The following FAM20C variants were observed in gnomAD, a reference collection of about 807,000 sequenced individuals.
FAM20C encodes FAM20C golgi associated secretory pathway kinase.
Under a neutral mutation model 51.5 loss-of-function variants are expected in FAM20C, and 40 were observed. That is an observed-to-expected ratio of 0.78 (90% CI 0.60 to 1.01). The LOEUF (loss-of-function observed/expected upper bound fraction) is 1.01. Among genes scored for constraint, FAM20C ranks in the 50% least tolerant of loss-of-function variants. FAM20C has a pLI of 0.00. For missense variants in FAM20C, 861 were observed against 844.7 expected (o/e 1.02, Z -0.24); for synonymous variants, 406 against 380.6 (o/e 1.07, Z -0.78).
At position 256,705 on chromosome 7, in the gene FAM20C, C is replaced by T. The variant is rs141959001; in HGVS notation, c.1305C>T (p.Tyr435=). ...AGGAGGTGAAGCAGACACCGCCCTA[C>T]GACAGCAGCCACCGCATCCTGGACG... ...YCEEVKQTPP[Y]DSSHRILDVM... is the part of the protein sequence containing the mutation. The change falls in exon 7 of 10, where the codon TAC becomes TAT. Residue 435 remains tyrosine, a synonymous_variant. Coordinates refer to ENST00000313766, the MANE Select transcript of FAM20C (RefSeq NM_020223.4). The T allele has an allele frequency of 0.015, 23,270 of 1,536,146 alleles. 233 individuals carry two copies. The highest frequency in any genetic ancestry group is 0.026 in the South Asian group (2,183 of 84,058).
chr7:227,210 G>A (rs750710550), intron 3 of FAM20C, among the ~76,000 whole-genome samples: 2 of 151,908 alleles, frequency 1.3e-5, no homozygotes, highest in Non-Finnish European at 1.5e-5. Context: ...CCGGGGTGCC[G>A]CTAGTGTGTG....
chr7:251,128 C>G (rs1157492301), intron 5 of FAM20C, among the ~76,000 whole-genome samples: 1 of 96,198 alleles, frequency 1.0e-5, no homozygotes, highest in Non-Finnish European at 2.5e-5. Flanking sequence ...CGTTTCCTCC[C>G]CGTTTCTAAG....
At chr7:259,689 T>C in intron 9 of FAM20C, 42 bp from the exon 10 acceptor site, 1 of 1,485,094 alleles carries the variant, frequency 6.7e-7, no homozygotes, top group Non-Finnish European at 9.0e-7. Context: ...GGCAGGCATC[T>C]CCCCTGTCCC....
intron 3 of FAM20C, among the ~76,000 whole-genome samples, chr7:235,709 G>A (rs1238225029): frequency 4.6e-5 from 7 of 152,162 alleles, no homozygotes; most frequent in Admixed American, 4.6e-4. Context: ...CTTGCTGCTG[G>A]GAGGGACGGT....
chr7:244,569 C>T (rs994991399), intron 3 of FAM20C, among the ~76,000 whole-genome samples: 3 of 152,350 alleles, frequency 2.0e-5, no homozygotes, highest in East Asian at 1.9e-4. Flanking sequence ...GCGACCCTGG[C>T]GGGCAGCATG....
chr7:195,712 C>T lies in FAM20C; in HGVS notation c.764C>T (p.Ser255Phe), dbSNP rs1185184378. The T allele has an allele frequency of 1.7e-5, 28 of 1,607,470 alleles. No homozygotes were observed. Among genetic ancestry groups the T allele is most frequent in the Non-Finnish European group, 2.4e-5 (28 of 1,176,680 alleles). Residue 255 changes from serine (S) to phenylalanine (F), a missense_variant, in exon 2 of 10, where the codon TCC (serine) becomes TTC (phenylalanine). Transcript: ENST00000313766. ...GAGGCCCTGCTGCACGACCTCAGCT[C>T]CCAGAGGATCACCAGCGTGGGTAGG... ...AIEALLHDLS[S>F]QRITSVAMKS...
chr7:241,500 C>CCCAT lies in FAM20C; in HGVS notation c.864-4914_864-4913insCATC, dbSNP rs1461089913. Among the ~76,000 whole-genome samples, 809 of 152,260 alleles carry CCCAT rather than the reference C, an allele frequency of 5.3e-3. 5 individuals carry two copies. The highest frequency in any genetic ancestry group is 8.7e-3 in the Non-Finnish European group (591 of 68,030). On this transcript the variant is annotated intron_variant, in intron 3 of 9. Transcript: ENST00000313766. ...CTGTGCCAGGGAAAGATCGATGGAG[C>CCCAT]CGGGTCTTAGTCCCCTTCTCACCAA...
intron 3 of FAM20C, among the ~76,000 whole-genome samples, chr7:220,610 G>A (rs1010099587): frequency 2.0e-5 from 3 of 152,174 alleles, no homozygotes; most frequent in South Asian, 2.1e-4. Context: ...CCTAGGAGGC[G>A]GCGTTGGAGC....
intron 9 of FAM20C, among the ~76,000 whole-genome samples, chr7:259,163 C>T (rs889109216): frequency 9.9e-5 from 15 of 152,166 alleles, no homozygotes; most frequent in Admixed American, 3.9e-4. Context: ...CCGTGTTGTG[C>T]GGATGTGCTG....
At chr7:250,323 C>G (rs894551614) in intron 5 of FAM20C, among the ~76,000 whole-genome samples, 2 of 152,168 alleles carry the variant, frequency 1.3e-5, no homozygotes, top group Admixed American at 1.3e-4. Flanking sequence ...CTTTCTTCCT[C>G]TCAAAGCCCA....
chr7:259,214 A>T (rs555707405), intron 9 of FAM20C, among the ~76,000 whole-genome samples: 1 of 145,942 alleles, frequency 6.9e-6, no homozygotes, highest in African/African-American at 2.7e-5. Context: ...CGCCCTCCTC[A>T]CCTCCCCATC....
rs140554377 is a variant in FAM20C, at chr7:252,775, A to G, written c.1073-3074A>G. Among the ~76,000 whole-genome samples the G allele has an allele frequency of 6.4e-4, 97 of 152,326 alleles. No homozygotes were observed. In the East Asian group the frequency reaches 0.016, roughly 26 times the overall value. ...GTGGAGCTCAGGTTCAGAGAGGGCAATTAGGACCCCAGCACCGCACAGCTG... is the reference window on the plus strand; with the variant it reads ...GTGGAGCTCAGGTTCAGAGAGGGCAGTTAGGACCCCAGCACCGCACAGCTG... On this transcript the variant is annotated intron_variant, in intron 5 of 9. Transcript: ENST00000313766.
At chr7:227,119 AG>A (rs1787477699) in intron 3 of FAM20C, among the ~76,000 whole-genome samples, 1 of 149,424 alleles carries the variant, frequency 6.7e-6, no homozygotes, top group Non-Finnish European at 1.5e-5. Flanking sequence ...AATCAAGGAA[AG>A]TCATTTTTTT....
At chr7:218,995 G>T (rs1003466859) in intron 3 of FAM20C, among the ~76,000 whole-genome samples, 2 of 152,192 alleles carry the variant, frequency 1.3e-5, no homozygotes, top group African/African-American at 4.8e-5. Context: ...GCATGGACGG[G>T]ACTTGCTCAG....
In FAM20C at chr7:194,901, C is replaced by G. The variant is rs1033778288; in HGVS notation, c.606-653C>G. Among the ~76,000 whole-genome samples the G allele has an allele frequency of 3.2e-4, 49 of 152,198 alleles. 1 individual carries two copies. Among genetic ancestry groups the G allele is most frequent in the Non-Finnish European group, 5.9e-5 (4 of 68,048 alleles). ...CCCAGCAGGCAGACGGAGGGTCTGT[C>G]CCTCCTCCAGAACGGTCCCTTGACC... On this transcript the variant is annotated intron_variant, in intron 1 of 9. Coordinates refer to ENST00000313766, the MANE Select transcript of FAM20C (RefSeq NM_020223.4).
intron 2 of FAM20C, among the ~76,000 whole-genome samples, chr7:205,597 C>T (rs919767453): frequency 7.2e-5 from 11 of 152,158 alleles, no homozygotes; most frequent in Admixed American, 1.3e-4. Flanking sequence ...TCAGAGACAC[C>T]GCAGGAGGCC....
intron 3 of FAM20C, among the ~76,000 whole-genome samples, chr7:222,310 G>A (rs976354753): frequency 1.3e-5 from 2 of 152,178 alleles, no homozygotes; most frequent in African/African-American, 4.8e-5. Flanking sequence ...CCCCGGCAGT[G>A]AGGATGGAGG....
chr7:231,066 ACAGGCCAGGGTGGTC>A (rs1269814615), intron 3 of FAM20C, among the ~76,000 whole-genome samples: 2 of 152,134 alleles, frequency 1.3e-5, no homozygotes, highest in African/African-American at 2.4e-5. Flanking sequence ...GCTGGAAGAC[ACAGGCCAGGGTGGTC>A]CAGGCCAGGG....
In FAM20C at chr7:199,386, C is replaced by T. The variant is rs188100436; in HGVS notation, c.784+3654C>T. The stretch of plus-strand genomic sequence containing the variant: ...GCCCTGCCTTCCAACCACCGCTCCA[C>T]AGCGAGGGAAACCAAGGCTCTTAGG... On this transcript the variant is annotated intron_variant, in intron 2 of 9. Coordinates refer to ENST00000313766, the MANE Select transcript of FAM20C (RefSeq NM_020223.4). Among the ~76,000 whole-genome samples, 66 of 152,386 alleles carry T rather than the reference C, an allele frequency of 4.3e-4. No homozygotes were observed. In the East Asian group the frequency reaches 0.011, roughly 25 times the overall value.
Sources: gnomAD v4.1 joint callset for allele counts (sites outside exome capture counted in the v4.1 genomes callset) on GRCh38, gnomAD v4.1.1 for gene constraint, MANE v1.5 for transcripts, NCBI Gene and HGNC (gene_info 2026-07-23, HGNC 2026-07-21) for gene names.